Variants in LRP1B observed in about 807,000 individuals in gnomAD.
The protein encoded by LRP1B is LDL receptor related protein 1B.
In LRP1B, 217 loss-of-function variants were observed where a neutral mutation model predicts 556.6. That is an observed-to-expected ratio of 0.39 (90% CI 0.35 to 0.44). The LOEUF (loss-of-function observed/expected upper bound fraction) is 0.44. LRP1B is among the 20% of genes least tolerant of loss of function. The probability of loss-of-function intolerance (pLI) is 1.00; values close to 1 mark genes in which losing one functional copy is unlikely to be tolerated. For synonymous variants in LRP1B, 2,047 were observed against 1,865.8 expected, an observed-to-expected ratio of 1.10 and a Z score of -2.50; for missense variants, 5,053 against 5,620.8, an observed-to-expected ratio of 0.90 and a Z score of 3.23.
intron 43 of LRP1B, among the ~76,000 whole-genome samples, chr2:140,597,083 T>G (rs909284528): frequency 2.0e-5 from 3 of 152,174 alleles, no homozygotes; most frequent in Non-Finnish European, 2.9e-5. Flanking sequence ...TATTAACTTT[T>G]AAAAATTAAT....
chr2:140,502,792 A>G (rs965619425), intron 54 of LRP1B, among the ~76,000 whole-genome samples, 171 bp downstream of exon 54: 1 of 152,032 alleles, frequency 6.6e-6, no homozygotes, highest in East Asian at 1.9e-4. Flanking sequence ...TAAATTTCCA[A>G]AACTAGCTTC....
chr2:140,925,613 G>A (rs373165350), intron 20 of LRP1B, among the ~76,000 whole-genome samples: 1 of 152,162 alleles, frequency 6.6e-6, no homozygotes, highest in Non-Finnish European at 1.5e-5. Context: ...AATGGAAGGT[G>A]TAATCTATTG....
At chr2:140,410,269 A>G (rs1052813877) in intron 66 of LRP1B, among the ~76,000 whole-genome samples, 5 of 152,030 alleles carry the variant, frequency 3.3e-5, no homozygotes, top group African/African-American at 4.8e-5. Flanking sequence ...CAGTTCAACT[A>G]GGTGTTACAT....
chr2:140,813,875 T>C (rs2105037504), intron 31 of LRP1B, 69 bp from the exon 32 acceptor site: 1 of 1,083,338 alleles, frequency 9.2e-7, no homozygotes, highest in Non-Finnish European at 1.3e-6. Flanking sequence ...CTAGCACCAC[T>C]GGATTTGAGG....
intron 6 of LRP1B, among the ~76,000 whole-genome samples, chr2:141,209,779 A>G (rs1682463621): frequency 6.6e-6 from 1 of 152,220 alleles, no homozygotes; most frequent in Admixed American, 6.5e-5. Flanking sequence ...AGTTAAGGGA[A>G]GAGACAAATA....
At chr2:140,936,308 CCAGCCTGGTTGA>C (rs1220005158) in intron 20 of LRP1B, among the ~76,000 whole-genome samples, 1 of 137,320 alleles carries the variant, frequency 7.3e-6, no homozygotes, top group Non-Finnish European at 1.5e-5. Context: ...CCACTGCACT[CCAGCCTGGTTGA>C]CAGAGGGAGA....
At chr2:140,993,881 C>G (rs1235967556) in intron 16 of LRP1B, 114 bp downstream of exon 16, 11 of 1,055,504 alleles carry the variant, frequency 1.0e-5, no homozygotes, top group Non-Finnish European at 1.2e-5. Flanking sequence ...AAAAATTAAA[C>G]TAGGTTCAAT....
chr2:141,963,622 C>T (rs1275845005), intron 1 of LRP1B, among the ~76,000 whole-genome samples: 2 of 151,502 alleles, frequency 1.3e-5, no homozygotes, highest in African/African-American at 4.9e-5. Context: ...CTATGACAAA[C>T]CCACAGCCAA....
intron 54 of LRP1B, 95 bp downstream of exon 54, chr2:140,502,868 A>AT (rs1689255143): frequency 8.0e-7 from 1 of 1,249,386 alleles, no homozygotes; most frequent in Non-Finnish European, 1.1e-6. Flanking sequence ...AATAATTTGC[A>AT]TTTTCTCTCA....
At chr2:141,305,644 C>T (rs995462806) in intron 3 of LRP1B, among the ~76,000 whole-genome samples, 2 of 152,090 alleles carry the variant, frequency 1.3e-5, no homozygotes, top group Non-Finnish European at 2.9e-5. Flanking sequence ...CAGTGGTGAA[C>T]GTGGACATAT....
chr2:142,072,504 C>T (rs902758935), intron 1 of LRP1B, among the ~76,000 whole-genome samples: 2 of 152,008 alleles, frequency 1.3e-5, no homozygotes, highest in Admixed American at 6.6e-5. Context: ...GTCCAACCCC[C>T]GGCCCACAGG....
intron 11 of LRP1B, among the ~76,000 whole-genome samples, chr2:141,047,405 A>G (rs1197653280): frequency 6.6e-6 from 1 of 152,106 alleles, no homozygotes; most frequent in Non-Finnish European, 1.5e-5. Context: ...GTTGTGTTGA[A>G]TGAAGAATAT....
At chr2:140,655,795 T>C (rs933765428) in intron 41 of LRP1B, among the ~76,000 whole-genome samples, 2 of 151,728 alleles carry the variant, frequency 1.3e-5, no homozygotes, top group African/African-American at 4.9e-5. Context: ...ACAAAAAAAT[T>C]AGCCGGGCAT....
chr2:140,722,440 G>A (rs1574282158), intron 35 of LRP1B, among the ~76,000 whole-genome samples: 2 of 152,208 alleles, frequency 1.3e-5, no homozygotes, highest in Admixed American at 6.5e-5. Context: ...TCCTAATTAA[G>A]AATCTAGAAT....
intron 60 of LRP1B, among the ~76,000 whole-genome samples, chr2:140,472,382 T>C (rs16844052): frequency 0.048 from 7,269 of 152,176 alleles, 215 homozygotes; most frequent in African/African-American, 0.051. Flanking sequence ...TTACATCATA[T>C]GTTACTATGG....
At chr2:140,417,576 C>T (rs1685253607) in intron 66 of LRP1B, among the ~76,000 whole-genome samples, 1 of 152,102 alleles carries the variant, frequency 6.6e-6, no homozygotes, top group Admixed American at 6.5e-5. Flanking sequence ...CAACCAACAC[C>T]ACAGCTGCAG....
In LRP1B at chr2:141,064,089, AC is replaced by A. The variant is rs1345843812; in HGVS notation, c.1014-1817del. On this transcript the variant is annotated intron_variant, in intron 7 of 90. Transcript: ENST00000389484. The stretch of plus-strand genomic sequence containing the variant: ...AAAAAAGAGGCGTCTCAAGACAAGA[AC>A]CTTGGAGGCATGCTGTTAGAGAAAT... 2.0e-5 allele frequency among the ~76,000 whole-genome samples: 3 copies of A among 152,096 alleles called. No individual in the cohort carries two copies. The East Asian group carries it at 5.8e-4, about 30-fold the overall frequency.
At chr2:141,573,762 G>T (rs1436753783) in intron 2 of LRP1B, among the ~76,000 whole-genome samples, 1 of 151,882 alleles carries the variant, frequency 6.6e-6, no homozygotes, top group South Asian at 2.1e-4. Flanking sequence ...TGATAAAAGG[G>T]ATATCACCAC....
intron 7 of LRP1B, among the ~76,000 whole-genome samples, chr2:141,069,038 C>G (rs1699561373): frequency 6.6e-6 from 1 of 151,956 alleles, no homozygotes; most frequent in Non-Finnish European, 1.5e-5. Flanking sequence ...TAATAATGAG[C>G]AGCAATTTAG....
Sources: allele counts gnomAD v4.1 joint callset (sites outside exome capture counted in the v4.1 genomes callset), GRCh38; gene constraint gnomAD v4.1.1; transcripts MANE v1.5; gene names NCBI Gene and HGNC (gene_info 2026-07-23, HGNC 2026-07-21).